The following ZNF786 variants were observed in gnomAD, a reference collection of about 807,000 sequenced individuals.
ZNF786 encodes zinc finger protein 786.
In ZNF786, 56 loss-of-function variants were observed where a neutral mutation model predicts 63.1. That is an observed-to-expected ratio of 0.89 (90% CI 0.72 to 1.11). The LOEUF (loss-of-function observed/expected upper bound fraction) is 1.11, where lower values mean the gene tolerates loss of function less well. Among genes scored for constraint, ZNF786 ranks in the 50% least tolerant of loss-of-function variants. The pLI is 0.00. For missense variants in ZNF786, 1,213 were observed against 1,041.8 expected (o/e 1.16, Z -2.26); for synonymous variants, 485 against 406.9 (o/e 1.19, Z -2.31).
rs766657533 is a variant in ZNF786, at chr7:149,070,859, G to A, written c.1913C>T (p.Ala638Val). 4 of 1,610,870 alleles carry A rather than the reference G, an allele frequency of 2.5e-6. No individual in the cohort carries two copies. The highest frequency in any genetic ancestry group is 2.7e-5 in the African/African-American group (2 of 73,886). Reference protein sequence around the residue: ...KRYRVKADMKAHQLLHSGEMP... With the variant: ...KRYRVKADMKVHQLLHSGEMP... The stretch of plus-strand genomic sequence containing the variant: ...CTCCCCGCTGTGCAGCAGCTGGTGG[G>A]CCTTCATGTCGGCCTTCACGCGATA... Residue 638 changes from alanine to valine, a missense_variant, in exon 4 of 4, where the codon GCC (alanine) becomes GTC (valine). By Grantham distance (64) the Ala-to-Val change is moderately conservative. Coordinates refer to ENST00000491431, the MANE Select transcript of ZNF786 (RefSeq NM_152411.4).
intron 1 of ZNF786, among the ~76,000 whole-genome samples, chr7:149,086,543 G>A (rs987885150): frequency 3.3e-5 from 5 of 151,976 alleles, no homozygotes; most frequent in African/African-American, 7.3e-5. Context: ...CAGGAGAATC[G>A]CTTGAACCCA....
rs775551028 is a variant in ZNF786, at chr7:149,070,881, G to A, written c.1891C>T (p.Arg631Cys). The change falls in exon 4 of 4, where the codon CGC becomes TGC. Residue 631 changes from arginine (R) to cysteine (C), a missense_variant. Transcript: ENST00000491431. ...TGGGCCTTCATGTCGGCCTTCACGC[G>A]ATAGCGCTTGTCGCACTCCGGACAC... is the stretch of plus-strand genomic sequence containing the variant. Reference protein sequence around the residue: ...FQCPECDKRYRVKADMKAHQL... With the variant: ...FQCPECDKRYCVKADMKAHQL... 3.7e-5 allele frequency: 60 copies of A among 1,613,072 alleles called. 1 individual carries two copies. The South Asian group carries it at 4.7e-4, about 13-fold the overall frequency.
At chr7:149,073,767 A>G (rs1300156867) in intron 3 of ZNF786, among the ~76,000 whole-genome samples, 6 of 111,478 alleles carry the variant, frequency 5.4e-5, no homozygotes, top group Admixed American at 5.1e-4. Context: ...ATATATATAT[A>G]TATATATATA....
At position 149,071,984 on chromosome 7, in the gene ZNF786, G is replaced by C. The variant is rs374335886; in HGVS notation, c.788C>G (p.Thr263Arg). The change falls in exon 4 of 4, where the codon ACG becomes AGG. Residue 263 changes from threonine (T) to arginine (R), a missense_variant. Physicochemically the swap from Thr to Arg is moderately conservative, Grantham distance 71. Coordinates refer to ENST00000491431, the MANE Select transcript of ZNF786 (RefSeq NM_152411.4). ...LCLLRHLAAH[T>R]GRGPFRNADG... The stretch of plus-strand genomic sequence containing the variant: ...AGCGTTCCGGAAGGGGCCCCTCCCC[G>C]TGTGGGCCGCCAGATGGCGCAGCAG... 1.2e-6 allele frequency: 2 copies of C among 1,612,518 alleles called. No homozygotes were observed. The highest frequency in any genetic ancestry group is 2.7e-5 in the African/African-American group (2 of 74,932).
Position 149,072,715 on chromosome 7 carries a change from G to C in ZNF786, c.299-242C>G, listed in dbSNP as rs372302117. On this transcript the variant is annotated intron_variant, in intron 3 of 3. Coordinates refer to ENST00000491431, the MANE Select transcript of ZNF786 (RefSeq NM_152411.4). ...AAGGAAAATATAGGTCGCAAATATA[G>C]AGTGTAAGCTCTGGAATCAGTCTGC... Among the ~76,000 whole-genome samples, 67 of 152,282 alleles carry C rather than the reference G, an allele frequency of 4.4e-4. 1 individual carries two copies. In the South Asian group the frequency reaches 0.012, roughly 28 times the overall value.
intron 1 of ZNF786, among the ~76,000 whole-genome samples, chr7:149,083,700 C>A (rs1825687996): frequency 6.6e-6 from 1 of 152,106 alleles, no homozygotes; most frequent in African/African-American, 2.4e-5. Context: ...CAGCCTCCAC[C>A]TTCAAGTAGG....
intron 2 of ZNF786, among the ~76,000 whole-genome samples, chr7:149,077,769 C>CATG (rs757201788): frequency 1.4e-4 from 22 of 151,904 alleles, no homozygotes; most frequent in Admixed American, 5.3e-4. Flanking sequence ...GCCTGGGCAA[C>CATG]ATGATGACGA....
At chr7:149,072,605 G>T in intron 3 of ZNF786, 132 bp from the exon 4 acceptor site, 1 of 1,006,422 alleles carries the variant, frequency 9.9e-7, no homozygotes, top group Non-Finnish European at 1.4e-6. Context: ...ACCCAACCAT[G>T]CAGTGTGATC....
At chr7:149,082,469 A>G (rs1825667898) in intron 1 of ZNF786, 2 of 809,546 alleles carry the variant, frequency 2.5e-6, no homozygotes, top group Non-Finnish European at 3.0e-6. Flanking sequence ...TATATTTGTT[A>G]ATTTAAAACA....
Position 149,071,676 on chromosome 7 carries a change from C to G in ZNF786, c.1096G>C (p.Glu366Gln), listed in dbSNP as rs996169006. ...CACTCCGAGCAGGAGCAGGGCCCCT[C>G]TGCGCCATGCTGCAGCGCCTCCGTG... is the stretch of plus-strand genomic sequence containing the variant. ...GDTEALQHGA[E>Q]GPCSCSECGE... The change falls in exon 4 of 4, where the codon GAG becomes CAG. Residue 366 changes from glutamate to glutamine, a missense_variant. Coordinates refer to ENST00000491431, the MANE Select transcript of ZNF786 (RefSeq NM_152411.4). 3 of 1,565,578 alleles carry G rather than the reference C, an allele frequency of 1.9e-6. No homozygotes were observed. In the Admixed American group the frequency reaches 5.6e-5, roughly 29 times the overall value.
At chr7:149,090,118 T>A (rs1037516997) in intron 1 of ZNF786, among the ~76,000 whole-genome samples, 2 of 152,218 alleles carry the variant, frequency 1.3e-5, no homozygotes, top group Non-Finnish European at 2.9e-5. Context: ...ATTTTTTGTA[T>A]CCTCTTCTAC....
intron 2 of ZNF786, among the ~76,000 whole-genome samples, chr7:149,079,728 G>A (rs1244869823): frequency 2.1e-4 from 31 of 149,840 alleles, no homozygotes; most frequent in African/African-American, 6.6e-4. Context: ...CCGCTACCAC[G>A]CCCAGCTAAT....
Position 149,070,249 on chromosome 7 carries a change from T to C in ZNF786, c.*174A>G, listed in dbSNP as rs1395434366. 1 of 800,278 alleles carries C rather than the reference T, an allele frequency of 1.2e-6. No homozygotes were observed. The highest frequency in any genetic ancestry group is 1.9e-6 in the Non-Finnish European group (1 of 519,274). 49.6% of individuals were successfully genotyped at this position (800,278 alleles called of 1,614,324 possible). ...AAAAAGAAAGAAATATAATTGGTGA[T>C]GCTTCTGAAGAGAAAATCCTTTGTG... is the stretch of plus-strand genomic sequence containing the variant. On this transcript the variant is annotated 3_prime_UTR_variant, in exon 4 of 4. Transcript: ENST00000491431.
chr7:149,088,899 T>C (rs546719996), intron 1 of ZNF786, among the ~76,000 whole-genome samples: 14 of 152,230 alleles, frequency 9.2e-5, no homozygotes, highest in South Asian at 2.1e-4. Flanking sequence ...TATACGTAAA[T>C]ACTTTATTAT....
chr7:149,071,384 CG>C lies in ZNF786; in HGVS notation c.1387del (p.Arg463ValfsTer26), dbSNP rs751640445. On this transcript the variant is annotated frameshift_variant, in exon 4 of 4. Transcript: ENST00000491431. LOFTEE classifies it high-confidence loss of function. ...FRCAKCGRNF[R>X]QRGQLLRHQR... is the part of the protein sequence containing the mutation. ...GTGCCGCAGCAGCTGTCCCCTCTGA[CG>C]GAAGTTCCTGCCACACTTGGCACAC... is the stretch of plus-strand genomic sequence containing the variant. 10 of 1,613,222 alleles carry C rather than the reference CG, an allele frequency of 6.2e-6. No homozygotes were observed. Among genetic ancestry groups the C allele is most frequent in the Non-Finnish European group, 8.5e-6 (10 of 1,179,760 alleles).
Position 149,070,771 on chromosome 7 carries a change from G to A in ZNF786, c.2001C>T (p.Ile667=), listed in dbSNP as rs767811986. Residue 667 remains isoleucine, a synonymous_variant, in exon 4 of 4, where the codon ATC becomes ATT. Coordinates refer to ENST00000491431, the MANE Select transcript of ZNF786 (RefSeq NM_152411.4). ...FVKHSKLIEH[I]RTHTGEKPFQ... is the part of the protein sequence containing the mutation. ...AAGGCTTCTCTCCCGTGTGCGTTCT[G>A]ATGTGCTCGATGAGCTTTGAGTGTT... 13 of 1,613,322 alleles carry A rather than the reference G, an allele frequency of 8.1e-6. No individual in the cohort carries two copies. The highest frequency in any genetic ancestry group is 1.0e-5 in the Non-Finnish European group (12 of 1,179,910).
intron 2 of ZNF786, among the ~76,000 whole-genome samples, chr7:149,079,187 T>C (rs1433619105): frequency 6.6e-6 from 1 of 152,162 alleles, no homozygotes; most frequent in African/African-American, 2.4e-5. Flanking sequence ...GGAGGGCGGA[T>C]CACGAGGTCA....
intron 3 of ZNF786, 139 bp from the exon 4 acceptor site, chr7:149,072,612 G>C (rs1585461351): frequency 1.1e-6 from 1 of 936,030 alleles, no homozygotes; most frequent in African/African-American, 1.7e-5. Context: ...CATGCAGTGT[G>C]ATCTGTCTCA....
In ZNF786 at chr7:149,070,837, C is replaced by G. The variant is rs1438204888; in HGVS notation, c.1935G>C (p.Gly645=). 6.2e-7 allele frequency: 1 copy of G among 1,613,854 alleles called. No individual in the cohort carries two copies. The highest frequency in any genetic ancestry group is 8.5e-7 in the Non-Finnish European group (1 of 1,179,938). The part of the protein sequence containing the change: ...DMKAHQLLHS[G]EMPFSCECGK... Reference sequence around the variant, plus strand: ...CGCACTCACAGGAGAAAGGCATCTCCCCGCTGTGCAGCAGCTGGTGGGCCT... The same window carrying G: ...CGCACTCACAGGAGAAAGGCATCTCGCCGCTGTGCAGCAGCTGGTGGGCCT... The change falls in exon 4 of 4, where the codon GGG becomes GGC. Residue 645 remains glycine, a synonymous_variant. Transcript: ENST00000491431.
Sources: allele counts gnomAD v4.1 joint callset (sites outside exome capture counted in the v4.1 genomes callset), GRCh38; gene constraint gnomAD v4.1.1; transcripts MANE v1.5; gene names NCBI Gene and HGNC (gene_info 2026-07-23, HGNC 2026-07-21).